PALS2: variants seen among roughly 807,000 people sequenced by gnomAD.
PALS2 encodes protein PALS2.
PALS2 carries 27 observed loss-of-function variants against 61.6 expected under a neutral mutation model. The ratio of observed to expected loss-of-function variants is 0.44; its 90% CI spans 0.32 to 0.60. PALS2 has a LOEUF of 0.60. Ranked by LOEUF, PALS2 falls within the 20% of genes least tolerant of loss-of-function variation. The pLI is 0.05. For synonymous variants in PALS2, 236 were observed against 218.6 expected (o/e 1.08, Z -0.70); for missense variants, 554 against 639.4 (o/e 0.87, Z 1.44).
At chr7:24,678,567 T>C (rs981774321) in intron 9 of PALS2, among the ~76,000 whole-genome samples, 2 of 152,196 alleles carry the variant, frequency 1.3e-5, no homozygotes, top group African/African-American at 4.8e-5. Flanking sequence ...AGGTGAACTT[T>C]GCTTGCTCAC....
chr7:24,668,759 A>G, intron 9 of PALS2, 99 bp downstream of exon 9: 1 of 1,421,410 alleles, frequency 7.0e-7, no homozygotes, highest in South Asian at 1.3e-5. Flanking sequence ...GTTATTCCCA[A>G]ATAAGTTTTC....
chr7:24,652,207 AG>A (rs1340687842), intron 5 of PALS2, among the ~76,000 whole-genome samples: 2 of 152,136 alleles, frequency 1.3e-5, no homozygotes, highest in Non-Finnish European at 2.9e-5. Flanking sequence ...TAGTTGTAGT[AG>A]GAAGATCTTA....
intron 1 of PALS2, among the ~76,000 whole-genome samples, chr7:24,602,197 CTCTTT>C (rs1393579669): frequency 2.0e-5 from 3 of 151,878 alleles, no homozygotes; most frequent in Non-Finnish European, 4.4e-5. Flanking sequence ...TTTCTAAGAG[CTCTTT>C]TGTTTCCTCT....
Position 24,650,600 on chromosome 7 carries a change from G to T in PALS2, c.539G>T (p.Gly180Val). ...HVGDIIKEVN[G>V]HEVGNNPKEL... is the part of the protein sequence containing the mutation. ...GGAGATATAATTAAAGAAGTCAATG[G>T]CCATGAGGTTGGAAATAATCCAAAG... The change falls in exon 5 of 12, where the codon GGC (glycine) becomes GTC (valine). Residue 180 changes from glycine to valine, a missense_variant. Physicochemically the swap from Gly to Val is moderately radical, Grantham distance 109. Coordinates refer to ENST00000222644, the MANE Select transcript of PALS2 (RefSeq NM_001303037.2). 6.2e-7 allele frequency: 1 copy of T among 1,612,228 alleles called. No homozygotes were observed. Among genetic ancestry groups the T allele is most frequent in the Non-Finnish European group, 8.5e-7 (1 of 1,178,540 alleles).
chr7:24,605,989 C>G (rs930918366), intron 1 of PALS2, among the ~76,000 whole-genome samples: 2 of 152,044 alleles, frequency 1.3e-5, no homozygotes, highest in Non-Finnish European at 2.9e-5. Flanking sequence ...TTTGTCAACC[C>G]AAAGATGATC....
At chr7:24,671,296 A>G (rs775314815) in intron 9 of PALS2, among the ~76,000 whole-genome samples, 2 of 152,190 alleles carry the variant, frequency 1.3e-5, no homozygotes, top group Non-Finnish European at 1.5e-5. Flanking sequence ...ACAACTTTTC[A>G]TGTACATATT....
At chr7:24,581,577 A>T (rs1782847619) in intron 1 of PALS2, among the ~76,000 whole-genome samples, 1 of 152,144 alleles carries the variant, frequency 6.6e-6, no homozygotes, top group Admixed American at 6.5e-5. Context: ...TCAATCAGGG[A>T]TGATTTTGCT....
intron 3 of PALS2, among the ~76,000 whole-genome samples, chr7:24,642,913 A>C (rs1785639003): frequency 6.6e-6 from 1 of 152,158 alleles, no homozygotes; most frequent in South Asian, 2.1e-4. Context: ...TGAATAGGAA[A>C]GGAGGATGGG....
Position 24,687,884 on chromosome 7 carries a change from GTA to G in PALS2, c.*274_*275del, listed in dbSNP as rs1234566843. 2 of 258,980 alleles carry G rather than the reference GTA, an allele frequency of 7.7e-6. No individual in the cohort carries two copies. Among genetic ancestry groups the G allele is most frequent in the South Asian group, 2.8e-4 (2 of 7,086 alleles). The allele number at this position is 258,980 out of a possible 1,614,324, so 16.0% of individuals were successfully genotyped here. On this transcript the variant is annotated 3_prime_UTR_variant, in exon 12 of 12. Coordinates refer to ENST00000222644, the MANE Select transcript of PALS2 (RefSeq NM_001303037.2). This position sits in a 1 kb window ranked among gnomAD's most constrained non-coding sequence, Gnocchi z 4.5. ...ATAAAGAAATGCGTTGAAGCATTTT[GTA>G]TATGTTTTGATTTAGTACCCTTGCC...
chr7:24,654,657 G>A (rs1465498363), intron 5 of PALS2, among the ~76,000 whole-genome samples: 5 of 152,176 alleles, frequency 3.3e-5, no homozygotes, highest in Non-Finnish European at 7.3e-5. Flanking sequence ...TTGTGAAGAT[G>A]TTGATTTTTC....
chr7:24,633,243 G>T (rs558031058), intron 2 of PALS2, among the ~76,000 whole-genome samples: 1 of 150,734 alleles, frequency 6.6e-6, no homozygotes, highest in Non-Finnish European at 1.5e-5. Context: ...TTTCTTGCAA[G>T]ACAGGTGTAG....
intron 2 of PALS2, among the ~76,000 whole-genome samples, chr7:24,628,424 G>C (rs1364774978): frequency 6.6e-6 from 1 of 152,110 alleles, no homozygotes; most frequent in Non-Finnish European, 1.5e-5. Flanking sequence ...ATGGGCAAAA[G>C]CTAGAAGTAT....
chr7:24,655,630 A>ATT (rs770410952), intron 5 of PALS2, among the ~76,000 whole-genome samples: 9,565 of 96,882 alleles, frequency 0.099, 1,004 homozygotes, highest in East Asian at 0.44. Context: ...TAGTTAGTAG[A>ATT]TTTTTTTTTT....
At chr7:24,669,756 G>A (rs1787206416) in intron 9 of PALS2, among the ~76,000 whole-genome samples, 1 of 152,146 alleles carries the variant, frequency 6.6e-6, no homozygotes, top group Admixed American at 6.5e-5. Context: ...TTGCCCCCCT[G>A]TGCTACTTAT....
chr7:24,641,417 A>G (rs1231521232), intron 2 of PALS2, among the ~76,000 whole-genome samples: 3 of 152,132 alleles, frequency 2.0e-5, no homozygotes. Flanking sequence ...TCTTGGTGGT[A>G]AGGGACTGTA....
chr7:24,628,452 A>G (rs769344909), intron 2 of PALS2, among the ~76,000 whole-genome samples: 6 of 152,214 alleles, frequency 3.9e-5, no homozygotes, highest in Non-Finnish European at 8.8e-5. Flanking sequence ...GAAAACTGGC[A>G]CAAGACAAGG....
At chr7:24,585,012 A>G (rs955960194) in intron 1 of PALS2, among the ~76,000 whole-genome samples, 2 of 151,744 alleles carry the variant, frequency 1.3e-5, no homozygotes, top group African/African-American at 4.9e-5. Flanking sequence ...GTTCTGTTCC[A>G]TTGATCTATA....
chr7:24,690,972 G>A lies in PALS2; in HGVS notation c.*3358G>A, dbSNP rs1385601759. The A allele has an allele frequency of 6.6e-6, 1 of 152,072 alleles. No homozygotes were observed. Among genetic ancestry groups the A allele is most frequent in the African/African-American group, 2.4e-5 (1 of 41,420 alleles). The allele number at this position is 152,072 out of a possible 1,614,324, so 9.4% of individuals were successfully genotyped here. A position where few individuals can be genotyped will look rare whatever the true frequency, so the allele number is the denominator to read the frequency against. ...TAACCCAAGTTAGCAATAAAACCAT[G>A]TGACATTATAGATTATGTCCAGATA... On this transcript the variant is annotated 3_prime_UTR_variant, in exon 12 of 12. Coordinates refer to ENST00000222644, the MANE Select transcript of PALS2 (RefSeq NM_001303037.2).
intron 3 of PALS2, among the ~76,000 whole-genome samples, chr7:24,648,603 T>C (rs1190492817): frequency 6.6e-6 from 1 of 152,114 alleles, no homozygotes; most frequent in Non-Finnish European, 1.5e-5. Flanking sequence ...CTAAAAATTA[T>C]TCTTTTAGGA....
Sources: allele counts gnomAD v4.1 joint callset (sites outside exome capture counted in the v4.1 genomes callset), GRCh38; gene constraint gnomAD v4.1.1; non-coding constraint Gnocchi (gnomAD v3.1); transcripts MANE v1.5; gene names NCBI Gene and HGNC (gene_info 2026-07-23, HGNC 2026-07-21).